ARFGAP1: variants seen among roughly 807,000 people sequenced by gnomAD.
The protein encoded by ARFGAP1 is ARF GTPase activating protein 1.
Under a neutral mutation model 54.0 loss-of-function variants are expected in ARFGAP1, and 26 were observed. That is an observed-to-expected ratio of 0.48 (90% CI 0.35 to 0.67). The LOEUF (loss-of-function observed/expected upper bound fraction) is 0.67. Among genes scored for constraint, ARFGAP1 ranks in the 30% least tolerant of loss-of-function variants. The probability of loss-of-function intolerance (pLI) is 0.00; values close to 1 mark genes in which losing one functional copy is unlikely to be tolerated. For synonymous variants in ARFGAP1, 248 were observed against 211.9 expected (o/e 1.17, Z -1.48); for missense variants, 525 against 535.8 (o/e 0.98, Z 0.20).
chr20:63,286,905 G>GC (rs2067570267), intron 12 of ARFGAP1: 1 of 177,666 alleles, frequency 5.6e-6, no homozygotes, highest in African/African-American at 2.4e-5. Context: ...CCTGTCCTGG[G>GC]CCCCATGTCC....
intron 7 of ARFGAP1, among the ~76,000 whole-genome samples, chr20:63,281,086 T>C (rs1364141232): frequency 3.3e-5 from 5 of 151,922 alleles, no homozygotes; most frequent in Middle Eastern, 3.4e-3. Context: ...GTTGGCGAGG[T>C]GGGGGTAGAG....
chr20:63,278,786 G>A (rs2067301130), intron 6 of ARFGAP1, 113 bp from the exon 7 acceptor site: 4 of 904,060 alleles, frequency 4.4e-6, no homozygotes, highest in Non-Finnish European at 5.3e-6. Flanking sequence ...TGTGCGTGGG[G>A]ACGTTGGCAC....
Position 63,276,749 on chromosome 20 carries a change from T to C in ARFGAP1, c.342+98T>C. On this transcript the variant is annotated intron_variant, in intron 4 of 12. Coordinates refer to ENST00000370283, the MANE Select transcript of ARFGAP1 (RefSeq NM_018209.4). The surrounding 1 kb of genome is among the most constrained non-coding windows in gnomAD (Gnocchi z 5.2). ...CCTTTAGTGGTTCTGGAGTCGGTTC[T>C]TCTGCTGGTTCTGACACACCCACTG... The C allele has an allele frequency of 7.4e-7, 1 of 1,352,506 alleles. No individual in the cohort carries two copies. Among genetic ancestry groups the C allele is most frequent in the Non-Finnish European group, 9.9e-7 (1 of 1,009,292 alleles). The allele number at this position is 1,352,506 out of a possible 1,614,324, so 83.8% of individuals were successfully genotyped here.
chr20:63,282,045 A>G (rs370984976), intron 8 of ARFGAP1, among the ~76,000 whole-genome samples: 47 of 151,092 alleles, frequency 3.1e-4, no homozygotes, highest in Middle Eastern at 3.4e-3. Context: ...CCCCCGTCAC[A>G]GCGCTCACCT....
At chr20:63,274,708 A>G (rs532547997) in intron 1 of ARFGAP1, among the ~76,000 whole-genome samples, 27 of 152,258 alleles carry the variant, frequency 1.8e-4, no homozygotes, top group Admixed American at 1.8e-3. Flanking sequence ...CGTGGTGTGC[A>G]GGGCCACTGG....
rs367951239 is a variant in ARFGAP1 at position 63,279,000 on chromosome 20, G to A, written c.627+5G>A. ...GCCATGTCCTCCCTGTACTCGGTGA[G>A]GACTTGGCCCTGCAGAGCATCTCCC... On this transcript the variant is annotated splice_donor_5th_base_variant and intron_variant, in intron 7 of 12. Coordinates refer to ENST00000370283, the MANE Select transcript of ARFGAP1 (RefSeq NM_018209.4). The A allele has an allele frequency of 2.5e-6, 4 of 1,613,678 alleles. No individual in the cohort carries two copies. The highest frequency in any genetic ancestry group is 3.4e-6 in the Non-Finnish European group (4 of 1,179,988).
Position 63,277,246 on chromosome 20 carries a change from A to T in ARFGAP1, c.384A>T (p.Ser128=), listed in dbSNP as rs374929557. The part of the protein sequence containing the change: ...LAEGREWSLE[S]SPAQNWTPPQ... ...AAGGCAGAGAGTGGTCTCTGGAGTCATCACCTGCCCAGAACTGGACCCCAC... is the reference window on the plus strand; with the variant it reads ...AAGGCAGAGAGTGGTCTCTGGAGTCTTCACCTGCCCAGAACTGGACCCCAC... Residue 128 remains serine, a synonymous_variant, in exon 5 of 13, where the codon TCA becomes TCT. Coordinates refer to ENST00000370283, the MANE Select transcript of ARFGAP1 (RefSeq NM_018209.4). The T allele has an allele frequency of 3.7e-6, 6 of 1,613,072 alleles. No individual in the cohort carries two copies. Among genetic ancestry groups the T allele is most frequent in the Non-Finnish European group, 4.2e-6 (5 of 1,179,918 alleles).
intron 7 of ARFGAP1, among the ~76,000 whole-genome samples, chr20:63,279,958 G>A (rs1214973642): frequency 6.6e-6 from 1 of 152,138 alleles, no homozygotes; most frequent in Non-Finnish European, 1.5e-5. Context: ...GGCCAATGTG[G>A]CGAAACCCCG....
intron 5 of ARFGAP1, among the ~76,000 whole-genome samples, chr20:63,277,607 C>T (rs1178879447): frequency 6.6e-6 from 1 of 152,192 alleles, no homozygotes; most frequent in Non-Finnish European, 1.5e-5. Context: ...GGGGTGTTGT[C>T]TGCCCTTCCC....
chr20:63,277,565 G>A (rs1373942664), intron 5 of ARFGAP1, among the ~76,000 whole-genome samples: 5 of 152,196 alleles, frequency 3.3e-5, no homozygotes, highest in South Asian at 2.1e-4. Flanking sequence ...CTGCCGTGGC[G>A]CTGTGGGAGT....
intron 9 of ARFGAP1, 120 bp from the exon 10 acceptor site, chr20:63,284,746 C>A (rs949528919): frequency 1.3e-6 from 2 of 1,527,914 alleles, no homozygotes; most frequent in Admixed American, 3.9e-5. Flanking sequence ...CGCTTGTATC[C>A]TGCTGCCTTC....
intron 9 of ARFGAP1, chr20:63,284,236 T>A: frequency 8.3e-7 from 1 of 1,206,862 alleles, no homozygotes. Context: ...CCTGGCCACC[T>A]GCGCTCCCTT....
chr20:63,277,371 C>T, intron 5 of ARFGAP1, 66 bp downstream of exon 5: 1 of 1,360,344 alleles, frequency 7.4e-7, no homozygotes. Flanking sequence ...GATTGGGTTT[C>T]CCACAGAATT....
At chr20:63,278,871 T>G in intron 6 of ARFGAP1, 28 bp from the exon 7 acceptor site, 1 of 1,611,568 alleles carries the variant, frequency 6.2e-7, no homozygotes, top group African/African-American at 1.3e-5. Flanking sequence ...TGCCAGCATC[T>G]TCGGCCTCTT....
At chr20:63,279,028 G>T (rs2067309904) in intron 7 of ARFGAP1, 33 bp downstream of exon 7, 1 of 1,608,684 alleles carries the variant, frequency 6.2e-7, no homozygotes, top group African/African-American at 1.3e-5. Flanking sequence ...CATCTCCCAT[G>T]GGCAGACCCC....
intron 5 of ARFGAP1, among the ~76,000 whole-genome samples, chr20:63,277,709 C>T (rs986157927): frequency 2.6e-5 from 4 of 152,184 alleles, no homozygotes; most frequent in Admixed American, 6.5e-5. Context: ...AGGAACGTCC[C>T]GGGTGGGGTG....
At chr20:63,286,616 C>T (rs547130548) in intron 12 of ARFGAP1, among the ~76,000 whole-genome samples, 174 bp downstream of exon 12, 5 of 152,158 alleles carry the variant, frequency 3.3e-5, no homozygotes, top group Non-Finnish European at 7.4e-5. Flanking sequence ...GGAGCCTCTC[C>T]GGGAGGTGGC....
rs751790115 is a variant in ARFGAP1 at position 63,284,943 on chromosome 20, G to A, written c.774+21G>A. The A allele has an allele frequency of 4.3e-6, 7 of 1,612,750 alleles. 1 individual carries two copies. The South Asian group carries it at 6.6e-5, about 15-fold the overall frequency. On this transcript the variant is annotated intron_variant, in intron 10 of 12. Coordinates refer to ENST00000370283, the MANE Select transcript of ARFGAP1 (RefSeq NM_018209.4). ...AGAAGGTAACGGGCAGCTCCGGGTG[G>A]TTGTGCCTGGAGCCCTTCACTCCAG... is the stretch of plus-strand genomic sequence containing the variant.
intron 4 of ARFGAP1, 126 bp from the exon 5 acceptor site, chr20:63,277,079 G>A (rs2067253668): frequency 1.4e-6 from 1 of 733,406 alleles, no homozygotes; most frequent in Middle Eastern, 3.2e-4. Context: ...CCGTCGAGGG[G>A]GCCGGGAGGA....
Sources: allele counts gnomAD v4.1 joint callset (sites outside exome capture counted in the v4.1 genomes callset), GRCh38; gene constraint gnomAD v4.1.1; non-coding constraint Gnocchi (gnomAD v3.1); transcripts MANE v1.5; gene names NCBI Gene and HGNC (gene_info 2026-07-23, HGNC 2026-07-21).